NHS: variants seen among roughly 807,000 people sequenced by gnomAD.
The protein encoded by NHS is actin remodeling regulator NHS.
Under a neutral mutation model 72.5 loss-of-function variants are expected in NHS, and 5 were observed. That is an observed-to-expected ratio of 0.07 (90% CI 0.04 to 0.14). The LOEUF (loss-of-function observed/expected upper bound fraction) is 0.14. Among genes scored for constraint, NHS ranks in the 10% least tolerant of loss-of-function variants. The pLI is 1.00. For missense variants in NHS, 1,072 were observed against 1,355.7 expected, an observed-to-expected ratio of 0.79 and a Z score of 3.29; for synonymous variants, 464 against 547.7, an observed-to-expected ratio of 0.85 and a Z score of 2.13.
intron 1 of NHS, among the ~76,000 whole-genome samples, chrX:17,615,183 A>ACTATATATATACGTATATATATAC (rs34548387): frequency 4.5e-5 from 4 of 88,726 alleles, no homozygotes; most frequent in African/African-American, 1.8e-4. Context: ...GTATATATAT[A>ACTATATATATACGTATATATATAC]GTATATATAC....
chrX:17,457,788 G>A (rs955494667), intron 1 of NHS, among the ~76,000 whole-genome samples: 1 of 111,395 alleles, frequency 9.0e-6, no homozygotes, highest in Admixed American at 9.5e-5. Context: ...TCAGCTTTAT[G>A]AGGGTAGAAA....
chrX:17,682,149 G>A (rs933046314), intron 1 of NHS, among the ~76,000 whole-genome samples: 6 of 110,851 alleles, frequency 5.4e-5, no homozygotes, highest in Admixed American at 9.6e-5. Flanking sequence ...AGGAAGAAAG[G>A]GCAGGCAGGA....
intron 3 of NHS, among the ~76,000 whole-genome samples, chrX:17,703,653 A>T (rs1272899963): frequency 8.9e-6 from 1 of 112,590 alleles, no homozygotes; most frequent in Non-Finnish European, 1.9e-5. Flanking sequence ...GATGCTTTAG[A>T]TCTCCATTAG....
intron 1 of NHS, among the ~76,000 whole-genome samples, chrX:17,416,612 A>C (rs754611159): frequency 6.2e-5 from 7 of 112,329 alleles, no homozygotes; most frequent in Non-Finnish European, 1.1e-4. Flanking sequence ...TACTTACTGC[A>C]TGGGACTGTA....
At chrX:17,614,434 G>A (rs1298852278) in intron 1 of NHS, among the ~76,000 whole-genome samples, 4 of 110,392 alleles carry the variant, frequency 3.6e-5, no homozygotes, top group Non-Finnish European at 5.7e-5. Flanking sequence ...TCCTTGCAAC[G>A]GTGGTGGGGG....
At position 17,455,978 on chromosome X, in the gene NHS, G is replaced by T. The variant is rs765209360; in HGVS notation, c.565+79656G>T. On this transcript the variant is annotated intron_variant, in intron 1 of 8. Coordinates refer to ENST00000676302, the MANE Select transcript of NHS (RefSeq NM_001291867.2). ...TTCACAAAATTTCCTGGAGATATTT[G>T]CAGGCAAGCAGCCCCTTCCTGAGAG... Among the ~76,000 whole-genome samples, 96 of 111,499 alleles carry T rather than the reference G, an allele frequency of 8.6e-4. No individual in the cohort carries two copies. The South Asian group carries it at 0.013, about 15-fold the overall frequency.
At chrX:17,389,521 G>C (rs1039794162) in intron 1 of NHS, among the ~76,000 whole-genome samples, 17 of 111,767 alleles carry the variant, frequency 1.5e-4, no homozygotes, top group African/African-American at 5.2e-4. Context: ...TCAGGTTTTT[G>C]ACAAGGATAA....
chrX:17,672,317 A>G (rs1313113139), intron 1 of NHS, among the ~76,000 whole-genome samples: 1 of 111,676 alleles, frequency 9.0e-6, no homozygotes, highest in African/African-American at 3.3e-5. Flanking sequence ...ATGACTTCTA[A>G]GGTCTCTGTA....
intron 1 of NHS, among the ~76,000 whole-genome samples, chrX:17,526,797 G>A (rs1234984879): frequency 8.9e-6 from 1 of 112,108 alleles, no homozygotes; most frequent in Non-Finnish European, 1.9e-5. Context: ...GAGATTTAAT[G>A]AGCTAATCTA....
At chrX:17,462,224 C>CTA (rs1469148335) in intron 1 of NHS, among the ~76,000 whole-genome samples, 2 of 111,162 alleles carry the variant, frequency 1.8e-5, no homozygotes, top group East Asian at 2.8e-4. Context: ...TATTTAAGTA[C>CTA]TATATATATA....
At chrX:17,553,135 C>G (rs917852972) in intron 1 of NHS, among the ~76,000 whole-genome samples, 5 of 112,927 alleles carry the variant, frequency 4.4e-5, no homozygotes, top group Non-Finnish European at 9.4e-5. Flanking sequence ...CAAACTAAGG[C>G]AGAGCCTATA....
chrX:17,611,397 G>A (rs2065710567), intron 1 of NHS, among the ~76,000 whole-genome samples: 1 of 112,012 alleles, frequency 8.9e-6, no homozygotes, highest in Admixed American at 9.4e-5. Context: ...CTGCACATAT[G>A]GACCCAAATC....
chrX:17,699,869 A>T (rs1469882228), intron 3 of NHS, among the ~76,000 whole-genome samples: 1 of 112,174 alleles, frequency 8.9e-6, no homozygotes, highest in Non-Finnish European at 1.9e-5. Context: ...ATACAGAGGA[A>T]AGAAAAGAAA....
chrX:17,451,825 A>G (rs995377595), intron 1 of NHS, among the ~76,000 whole-genome samples: 3 of 111,930 alleles, frequency 2.7e-5, no homozygotes, highest in African/African-American at 9.7e-5. Flanking sequence ...TTGCTTTAAC[A>G]TATGTTGTAT....
intron 1 of NHS, among the ~76,000 whole-genome samples, chrX:17,421,869 G>A (rs1285566003): frequency 4.5e-5 from 5 of 112,074 alleles, no homozygotes; most frequent in Non-Finnish European, 5.6e-5. Flanking sequence ...GAGCCACCGC[G>A]CCCGGCCTCT....
chrX:17,692,378 C>T lies in NHS; in HGVS notation c.762C>T (p.Ala254=). The change falls in exon 3 of 9, where the codon GCC becomes GCT. Residue 254 remains alanine, a synonymous_variant. Coordinates refer to ENST00000676302, the MANE Select transcript of NHS (RefSeq NM_001291867.2). ...RSDRREQRAA[A]PLSIAAPPLP... ...ATCGCCGAGAGCAAAGAGCAGCTGC[C>T]CCCCTTTCCATTGCAGCTCCTCCAC... 3.3e-6 allele frequency: 4 copies of T among 1,210,745 alleles called. 1 individual carries two copies. In the South Asian group the frequency reaches 5.3e-5, roughly 16 times the overall value.
chrX:17,435,949 T>G (rs1243593182), intron 1 of NHS, among the ~76,000 whole-genome samples: 3 of 111,796 alleles, frequency 2.7e-5, no homozygotes, highest in Non-Finnish European at 5.6e-5. Context: ...CCAGGCCACA[T>G]TGTTTTGCTC....
At chrX:17,653,028 C>T (rs1451526828) in intron 1 of NHS, among the ~76,000 whole-genome samples, 1 of 111,004 alleles carries the variant, frequency 9.0e-6, no homozygotes, top group Non-Finnish European at 1.9e-5. Flanking sequence ...CTGAGAGATA[C>T]TCAATAAGGG....
chrX:17,467,573 C>T (rs2064875793), intron 1 of NHS, among the ~76,000 whole-genome samples: 1 of 112,174 alleles, frequency 8.9e-6, no homozygotes, highest in African/African-American at 3.2e-5. Flanking sequence ...TATAATTGAA[C>T]ATGTTTTTAG....
Sources: allele counts gnomAD v4.1 joint callset (sites outside exome capture counted in the v4.1 genomes callset), GRCh38; gene constraint gnomAD v4.1.1; transcripts MANE v1.5; gene names NCBI Gene and HGNC (gene_info 2026-07-23, HGNC 2026-07-21).